The following KCNMB3 variants were observed in gnomAD, a reference collection of about 807,000 sequenced individuals.
KCNMB3 encodes calcium-activated potassium channel subunit beta-3.
Under a neutral mutation model 11.9 loss-of-function variants are expected in KCNMB3, and 18 were observed. The observed-to-expected ratio is 1.51, with a 90% CI of 1.04 to 2.23. KCNMB3 has a LOEUF of 2.23. KCNMB3 is among the 30% of genes most tolerant of loss of function. The pLI is 0.00. For synonymous variants in KCNMB3, 78 were observed against 119.2 expected (o/e 0.65, Z 2.25); for missense variants, 247 against 329.4 (o/e 0.75, Z 1.94).
intron 1 of KCNMB3, among the ~76,000 whole-genome samples, chr3:179,258,132 C>T (rs1235139302): frequency 2.6e-5 from 4 of 152,130 alleles, no homozygotes; most frequent in South Asian, 2.1e-4. Flanking sequence ...GTGATCCACC[C>T]GCCTTGGCCT....
chr3:179,266,955 C>A, exon 1 of KCNMB3: 1 of 1,296,628 alleles, frequency 7.7e-7, no homozygotes, highest in Non-Finnish European at 9.8e-7. Context: ...TCAAGAAGGA[C>A]CTGCGTGGTT....
intron 1 of KCNMB3, among the ~76,000 whole-genome samples, chr3:179,263,266 C>G (rs1726277175): frequency 6.6e-6 from 1 of 152,268 alleles, no homozygotes; most frequent in African/African-American, 2.4e-5. Flanking sequence ...CTAAGCCCCT[C>G]ACTGTCCGTG....
At chr3:179,244,091 T>C (rs1725554054) in intron 2 of KCNMB3, among the ~76,000 whole-genome samples, 1 of 152,212 alleles carries the variant, frequency 6.6e-6, no homozygotes, top group African/African-American at 2.4e-5. Flanking sequence ...TTAAATCATA[T>C]GAACCCATTG....
chr3:179,251,765 T>C (rs1725853233), upstream of KCNMB3: 2 of 549,278 alleles, frequency 3.6e-6, no homozygotes, highest in African/African-American at 1.9e-5. Context: ...CCTCGCACTG[T>C]TGCCCAGGCT....
chr3:179,262,995 G>A (rs1726269045), intron 1 of KCNMB3, among the ~76,000 whole-genome samples: 1 of 152,258 alleles, frequency 6.6e-6, no homozygotes, highest in African/African-American at 2.4e-5. Context: ...GCTTCACCCA[G>A]TGGATCCCGC....
chr3:179,250,750 T>C lies in KCNMB3; in HGVS notation c.241A>G (p.Met81Val), dbSNP rs1725808167. 3 of 1,614,078 alleles carry C rather than the reference T, an allele frequency of 1.9e-6. No individual in the cohort carries two copies. Among genetic ancestry groups the C allele is most frequent in the Middle Eastern group, 1.6e-4 (1 of 6,084 alleles). The change falls in exon 1 of 3, where the codon ATG becomes GTG. Residue 81 changes from methionine (M) to valine (V), a missense_variant. By Grantham distance (21) the Met-to-Val change is conservative. Coordinates refer to ENST00000392685, the MANE Select transcript of KCNMB3 (RefSeq NM_171830.2). ...LLGTTILKPFMLSIQREESTC... is the reference protein window; with the variant it reads ...LLGTTILKPFVLSIQREESTC... ...CCTTCCTCTGTTTCTTACCTGAGCA[T>C]AAAAGGCTTTAGAATGGTTGTTCCG...
At chr3:179,248,686 C>T (rs1474650518) in intron 1 of KCNMB3, among the ~76,000 whole-genome samples, 1 of 150,804 alleles carries the variant, frequency 6.6e-6, no homozygotes, top group African/African-American at 2.4e-5. Context: ...CATGATTGAA[C>T]CACTGCACTT....
Position 179,260,281 on chromosome 3 carries a change from C to T in KCNMB3, c.62+6368G>A, listed in dbSNP as rs574530056. ...GCACCCATGACCTCATTTGACTCAA[C>T]CTGTGCTGTGTTTTCAGGGAGAGAA... On this transcript the variant is annotated intron_variant, in intron 1 of 3. Coordinates refer to the KCNMB3 transcript ENST00000349697. The T allele has an allele frequency of 4.9e-4, 788 of 1,613,998 alleles. 2 individuals carry two copies. The highest frequency in any genetic ancestry group is 1.7e-3 in the Admixed American group (104 of 60,020).
intron 1 of KCNMB3, among the ~76,000 whole-genome samples, chr3:179,262,490 A>G (rs1417653298): frequency 1.3e-5 from 2 of 152,242 alleles, no homozygotes; most frequent in Non-Finnish European, 2.9e-5. Flanking sequence ...GTGGACCCAA[A>G]GAACGAGCAG....
chr3:179,250,975 AAAG>A lies in KCNMB3; in HGVS notation c.13_15del (p.Leu5del). ...GAAGGAGATACTGCAGTGAGCTCAT[AAAG>A]AAGGGGGAACATTTCCAATCCATGG... is the stretch of plus-strand genomic sequence containing the variant. On this transcript the variant is annotated inframe_deletion, in exon 1 of 3. Transcript: ENST00000392685. 6.2e-7 allele frequency: 1 copy of A among 1,614,180 alleles called. No individual in the cohort carries two copies. Among genetic ancestry groups the A allele is most frequent in the Admixed American group, 1.7e-5 (1 of 60,024 alleles).
intron 1 of KCNMB3, chr3:179,266,556 C>A: frequency 6.9e-7 from 1 of 1,456,594 alleles, no homozygotes; most frequent in Non-Finnish European, 9.5e-7. Context: ...AAAAAGGAAA[C>A]ACTCACTCCC....
chr3:179,255,507 G>A (rs1027392294), upstream of KCNMB3, among the ~76,000 whole-genome samples: 1 of 152,038 alleles, frequency 6.6e-6, no homozygotes, highest in Non-Finnish European at 1.5e-5. Flanking sequence ...ACACAGAGCT[G>A]GATCTGCAAA....
chr3:179,264,503 G>C (rs756837630), intron 1 of KCNMB3, among the ~76,000 whole-genome samples: 1 of 152,140 alleles, frequency 6.6e-6, no homozygotes, highest in Non-Finnish European at 1.5e-5. Context: ...ACCTTGAGCT[G>C]TTTTATTCAT....
intron 1 of KCNMB3, among the ~76,000 whole-genome samples, chr3:179,261,529 G>C (rs933756518): frequency 6.6e-6 from 1 of 151,970 alleles, no homozygotes; most frequent in African/African-American, 2.4e-5. Flanking sequence ...GGAATGGCGC[G>C]GGGGAAGCGG....
chr3:179,240,555 C>T (rs1725429463), downstream of KCNMB3: 1 of 152,128 alleles, frequency 6.6e-6, no homozygotes, highest in Non-Finnish European at 1.5e-5. Flanking sequence ...TTTCTTTGAC[C>T]ATTAATGCAC....
rs532538211 is a variant in KCNMB3 at position 179,261,337 on chromosome 3, C to A, written c.62+5312G>T. 1.2e-3 allele frequency: 1,471 copies of A among 1,180,272 alleles called. 6 individuals carry two copies. Among genetic ancestry groups the A allele is most frequent in the Non-Finnish European group, 1.2e-3 (1,165 of 949,590 alleles). The allele number at this position is 1,180,272 out of a possible 1,614,324, so 73.1% of individuals were successfully genotyped here. ...TCGGGGACCGTGCCGGAGCCCCCCC[C>A]CGCGGGCCGGGCCAGGGGGCGCGCG... On this transcript the variant is annotated intron_variant, in intron 1 of 3. Coordinates refer to the KCNMB3 transcript ENST00000349697.
chr3:179,250,902 T>C lies in KCNMB3; in HGVS notation c.89A>G (p.Glu30Gly), dbSNP rs1415823143. Residue 30 changes from glutamate (E) to glycine (G), a missense_variant, in exon 1 of 3, where the codon GAG (glutamate) becomes GGG (glycine). Physicochemically the swap from Glu to Gly is moderately conservative, Grantham distance 98. Around this residue, in one of 2 missense-constraint regions of KCNMB3, gnomAD observed 160 missense variants for 157.5 expected, o/e 1.02. Transcript: ENST00000392685. ...TAFPASGKKRETDYSDGDPLD... is the reference protein window; with the variant it reads ...TAFPASGKKRGTDYSDGDPLD... Reference sequence around the variant, plus strand: ...TGGGTCTCCATCACTGTAGTCTGTCTCTCTCTTCTTCCCTGAGGCAGGAAA... The same window carrying C: ...TGGGTCTCCATCACTGTAGTCTGTCCCTCTCTTCTTCCCTGAGGCAGGAAA... The C allele has an allele frequency of 6.2e-7, 1 of 1,614,098 alleles. No homozygotes were observed. The highest frequency in any genetic ancestry group is 1.1e-5 in the South Asian group (1 of 91,076).
rs200675679 is a variant in KCNMB3, at chr3:179,250,934, C to G, written c.57G>C (p.Arg19Ser). The part of the protein sequence containing the change: ...TAVSPSPFPQ[R>S]TAFPASGKKR... ...TCTTCCCTGAGGCAGGAAAGGCTGT[C>G]CTTTGGGGAAAGGGAGAAGGAGATA... Residue 19 changes from arginine to serine, a missense_variant, in exon 1 of 3, where the codon AGG (arginine) becomes AGC (serine). Physicochemically the swap from Arg to Ser is moderately radical, Grantham distance 110 (BLOSUM62 -1). Transcript: ENST00000392685. 4 of 1,614,040 alleles carry G rather than the reference C, an allele frequency of 2.5e-6. No individual in the cohort carries two copies. The highest frequency in any genetic ancestry group is 3.3e-5 in the Admixed American group (2 of 59,990).
At chr3:179,260,245 T>C in intron 1 of KCNMB3, 1 of 1,613,998 alleles carries the variant, frequency 6.2e-7, no homozygotes, top group South Asian at 1.1e-5. Flanking sequence ...GTTCTGGTCC[T>C]GTCATCTGGT....
Sources: allele counts gnomAD v4.1 joint callset (sites outside exome capture counted in the v4.1 genomes callset), GRCh38; gene constraint gnomAD v4.1.1; regional missense constraint gnomAD v4.1.1; transcripts MANE v1.5; gene names NCBI Gene and HGNC (gene_info 2026-07-23, HGNC 2026-07-21).